The following SELP variants were observed in gnomAD, a reference collection of about 807,000 sequenced individuals.
SELP encodes the protein selectin P, also known as P-selectin.
A neutral mutation model predicts 104.1 loss-of-function variants in SELP; 92 were observed. The observed-to-expected ratio is 0.88, with a 90% CI of 0.75 to 1.05. The LOEUF is 1.05. Ranked by LOEUF, SELP falls within the 50% of genes least tolerant of loss-of-function variation. SELP has a pLI of 0.00. For synonymous variants in SELP, 397 were observed against 364.5 expected (o/e 1.09, Z -1.01); for missense variants, 1,022 against 1,017.3 (o/e 1.00, Z -0.06).
chr1:169,627,860 C>T lies in SELP; in HGVS notation c.3+2212G>A, dbSNP rs150227989. 1.1e-3 allele frequency among the ~76,000 whole-genome samples: 166 copies of T among 152,266 alleles called. 2 individuals are homozygous for T. The highest frequency in any genetic ancestry group is 3.8e-3 in the African/African-American group (156 of 41,546). ...AAGGTGGTTAAAAGGTATAAATGGA[C>T]GAAAATCCAGACCTGCTCCTTAGCC... On this transcript the variant is annotated intron_variant, in intron 1 of 16. Transcript: ENST00000263686.
intron 10 of SELP, among the ~76,000 whole-genome samples, 158 bp from the exon 11 acceptor site, chr1:169,597,334 T>A (rs1419822560): frequency 6.6e-6 from 1 of 152,190 alleles, no homozygotes; most frequent in Non-Finnish European, 1.5e-5. Flanking sequence ...ATCATGTAGG[T>A]CATTTGCTGC....
intron 10 of SELP, among the ~76,000 whole-genome samples, chr1:169,597,667 CCTCA>C (rs1661698547): frequency 6.6e-6 from 1 of 152,160 alleles, no homozygotes; most frequent in Non-Finnish European, 1.5e-5. Flanking sequence ...ATTTGAATCT[CCTCA>C]CTAATTGTTT....
chr1:169,593,749 C>A (rs1280569468), intron 13 of SELP, 25 bp from the exon 14 acceptor site: 3 of 1,612,190 alleles, frequency 1.9e-6, no homozygotes, highest in Admixed American at 1.7e-5. Flanking sequence ...CACACACATG[C>A]AAGACATAAG....
chr1:169,597,759 A>G (rs760022399), intron 10 of SELP, among the ~76,000 whole-genome samples: 5 of 152,202 alleles, frequency 3.3e-5, no homozygotes, highest in Non-Finnish European at 7.3e-5. Flanking sequence ...GTCAAGATAG[A>G]TTAGTTTCTT....
intron 14 of SELP, among the ~76,000 whole-genome samples, chr1:169,592,299 T>A (rs1448602706): frequency 6.6e-6 from 1 of 152,226 alleles, no homozygotes; most frequent in Non-Finnish European, 1.5e-5. Flanking sequence ...ACAGCCTCAA[T>A]GTTTTGGTAG....
Position 169,591,445 on chromosome 1 carries a change from A to T in SELP, c.2419T>A (p.Cys807Ser). The change falls in exon 15 of 17, where the codon TGC becomes AGC. Residue 807 changes from cysteine (C) to serine (S), a missense_variant. By Grantham distance (112) the Cys-to-Ser change is moderately radical. Transcript: ENST00000263686. ...KRFRQKDDGK[C>S]PLNPHSHLGT... is the part of the protein sequence containing the mutation. Reference sequence around the variant, plus strand: ...CCTTACCTGTGAGGATTCAAGGGGCATTTCCCATCATCTAAAATCAGCAAG... The same window carrying T: ...CCTTACCTGTGAGGATTCAAGGGGCTTTTCCCATCATCTAAAATCAGCAAG... 6.3e-7 allele frequency: 1 copy of T among 1,579,426 alleles called. No homozygotes were observed. The highest frequency in any genetic ancestry group is 1.2e-5 in the South Asian group (1 of 84,748).
chr1:169,611,647 C>A lies in SELP; in HGVS notation c.992G>T (p.Ser331Ile). The change falls in exon 7 of 17, where the codon AGT becomes ATT. Residue 331 changes from serine to isoleucine, a missense_variant. Transcript: ENST00000263686. Reference sequence around the variant, plus strand: ...ATGAACACAGTCCATGGTTCCTTCACTGGGGGCTTCCAGGTGCTGACACTG... The same window carrying A: ...ATGAACACAGTCCATGGTTCCTTCAATGGGGGCTTCCAGGTGCTGACACTG... ...AVQCQHLEAP[S>I]EGTMDCVHPL... The A allele has an allele frequency of 2.5e-6, 4 of 1,613,818 alleles. No homozygotes were observed. The highest frequency in any genetic ancestry group is 3.4e-6 in the Non-Finnish European group (4 of 1,179,942).
Position 169,609,612 on chromosome 1 carries a change from C to T in SELP, c.1225G>A (p.Asp409Asn). The change falls in exon 8 of 17, where the codon GAC becomes AAC. Residue 409 changes from aspartate (D) to asparagine (N), a missense_variant. Transcript: ENST00000263686. Reference protein sequence around the residue: ...CSPSLRAFQYDTNCSFRCAEG... With the variant: ...CSPSLRAFQYNTNCSFRCAEG... ...GCACAGCGGAAGCTACAGTTGGTGT[C>T]ATACTGAAACGCTCTCAAGGATGGA... 6.2e-7 allele frequency: 1 copy of T among 1,614,070 alleles called. No homozygotes were observed. Among genetic ancestry groups the T allele is most frequent in the Non-Finnish European group, 8.5e-7 (1 of 1,179,982 alleles).
Position 169,619,221 on chromosome 1 carries a change from T to C in SELP, c.4-2A>G. 1 of 1,612,992 alleles carries C rather than the reference T, an allele frequency of 6.2e-7. No homozygotes were observed. The highest frequency in any genetic ancestry group is 8.5e-7 in the Non-Finnish European group (1 of 1,179,088). ...CAAGATGGCTATTTGGCAGTTGGCCTGAAACAAGAAGAGAAAACTTTCTTT... is the reference window on the plus strand; with the variant it reads ...CAAGATGGCTATTTGGCAGTTGGCCCGAAACAAGAAGAGAAAACTTTCTTT... On this transcript the variant is annotated splice_acceptor_variant, in intron 1 of 16. Transcript: ENST00000263686. LOFTEE classifies it high-confidence loss of function.
chr1:169,592,000 A>G (rs898407335), intron 14 of SELP, among the ~76,000 whole-genome samples: 2 of 152,228 alleles, frequency 1.3e-5, no homozygotes, highest in African/African-American at 4.8e-5. Context: ...TTGGGGCATG[A>G]GTGGCCATTT....
chr1:169,596,191 G>A lies in SELP; in HGVS notation c.1892-57C>T, dbSNP rs937226452. On this transcript the variant is annotated intron_variant, in intron 11 of 16. Coordinates refer to ENST00000263686, the MANE Select transcript of SELP (RefSeq NM_003005.4). The stretch of plus-strand genomic sequence containing the variant: ...CTCCCAATTAAAAGAAGCGTTAACA[G>A]AGTTAAGGCTAATCTGGAATAACTG... 2.0e-6 allele frequency: 3 copies of A among 1,464,438 alleles called. No homozygotes were observed. In the African/African-American group the frequency reaches 4.2e-5, roughly 21 times the overall value. 90.7% of individuals were successfully genotyped at this position (1,464,438 alleles called of 1,614,324 possible).
At chr1:169,610,180 G>GAA (rs200426723) in intron 7 of SELP, among the ~76,000 whole-genome samples, 2,900 of 143,852 alleles carry the variant, frequency 0.02, 106 homozygotes, top group African/African-American at 0.069. Context: ...GACTTATAGG[G>GAA]AAAAAAAAAA....
intron 1 of SELP, among the ~76,000 whole-genome samples, chr1:169,622,064 C>T (rs1441070635): frequency 2.6e-5 from 4 of 152,234 alleles, no homozygotes; most frequent in Non-Finnish European, 5.9e-5. Flanking sequence ...GCCTAAAATA[C>T]ACCTTTCTCC....
intron 5 of SELP, 142 bp downstream of exon 5, chr1:169,612,787 C>T: frequency 3.1e-6 from 2 of 646,116 alleles, no homozygotes; most frequent in East Asian, 2.7e-5. Flanking sequence ...CTCTGGTTGA[C>T]AGTTAACAGT....
intron 1 of SELP, among the ~76,000 whole-genome samples, chr1:169,625,553 T>A (rs1283485506): frequency 6.6e-6 from 1 of 152,222 alleles, no homozygotes; most frequent in Non-Finnish European, 1.5e-5. Context: ...CTGAGGAAGC[T>A]ACTGACAGAG....
Position 169,588,889 on chromosome 1 carries a change from C to G in SELP, c.*574G>C, listed in dbSNP as rs3917875. On this transcript the variant is annotated 3_prime_UTR_variant, in exon 17 of 17. Coordinates refer to ENST00000263686, the MANE Select transcript of SELP (RefSeq NM_003005.4). The stretch of plus-strand genomic sequence containing the variant: ...TTTAATTACGCATTTGAATATTGGT[C>G]TTTGGGTCATTTGAGGGACAGTGAC... 488 of 152,258 alleles carry G rather than the reference C, an allele frequency of 3.2e-3. 1 individual carries two copies. The highest frequency in any genetic ancestry group is 0.014 in the Middle Eastern group (4 of 294). The allele number at this position is 152,258 out of a possible 1,614,324, so 9.4% of individuals were successfully genotyped here.
At chr1:169,617,496 C>T in intron 2 of SELP, 82 bp from the exon 3 acceptor site, 9 of 1,364,110 alleles carry the variant, frequency 6.6e-6, no homozygotes, top group Non-Finnish European at 9.1e-6. Context: ...TCTGCATACT[C>T]AGATGAATTT....
chr1:169,621,295 G>T (rs1201001115), intron 1 of SELP, among the ~76,000 whole-genome samples: 4 of 150,810 alleles, frequency 2.7e-5, no homozygotes, highest in Non-Finnish European at 3.0e-5. Flanking sequence ...GGGACTGTGT[G>T]GTGTTGTGTG....
Position 169,595,957 on chromosome 1 carries a change from C to G in SELP, c.2069G>C (p.Gly690Ala), listed in dbSNP as rs756277455. The change falls in exon 12 of 17, where the codon GGA becomes GCA. Residue 690 changes from glycine (G) to alanine (A), a missense_variant. By Grantham distance (60) the Gly-to-Ala change is moderately conservative. Coordinates refer to ENST00000263686, the MANE Select transcript of SELP (RefSeq NM_003005.4). ...TGCTGGAGTTACTGCTGTCCATTGT[C>G]CTGAAGGTCTGCAGCTGAGAGTGCT... is the stretch of plus-strand genomic sequence containing the variant. ...GDSTLSCRPS[G>A]QWTAVTPACR... 4.3e-6 allele frequency: 7 copies of G among 1,613,690 alleles called. No homozygotes were observed. The Admixed American group carries it at 8.3e-5, about 19-fold the overall frequency.
Sources: allele counts gnomAD v4.1 joint callset (sites outside exome capture counted in the v4.1 genomes callset), GRCh38; gene constraint gnomAD v4.1.1; transcripts MANE v1.5; gene names NCBI Gene and HGNC (gene_info 2026-07-23, HGNC 2026-07-21).